MPP7: variants seen among roughly 807,000 people sequenced by gnomAD.
The protein encoded by MPP7 is MAGUK p55 scaffold protein 7.
A neutral mutation model predicts 76.5 loss-of-function variants in MPP7; 60 were observed. That is an observed-to-expected ratio of 0.78 (90% CI 0.64 to 0.97). MPP7 has a LOEUF of 0.97. Among genes scored for constraint, MPP7 ranks in the 50% least tolerant of loss-of-function variants. The pLI, the probability that MPP7 is intolerant of heterozygous loss-of-function variation, is 0.00. For missense variants in MPP7, 641 were observed against 694.0 expected (o/e 0.92, Z 0.86); for synonymous variants, 237 against 244.5 (o/e 0.97, Z 0.29).
intron 2 of MPP7, among the ~76,000 whole-genome samples, chr10:28,319,398 C>T (rs565585981): frequency 1.3e-5 from 2 of 152,230 alleles, no homozygotes; most frequent in South Asian, 4.1e-4. Context: ...GAATTTTAGG[C>T]TGGCATGGTG....
Position 28,215,059 on chromosome 10 carries a change from C to A in MPP7, c.38-12788G>T, listed in dbSNP as rs1167859204. Among the ~76,000 whole-genome samples, 4 of 152,064 alleles carry A rather than the reference C, an allele frequency of 2.6e-5. No homozygotes were observed. In the South Asian group the frequency reaches 6.2e-4, roughly 24 times the overall value. Reference sequence around the variant, plus strand: ...CATCTCACCCAGGAACAGAAAACAGCAAGAAAACCTCACTTCAACCCCCTA... The same window carrying A: ...CATCTCACCCAGGAACAGAAAACAGAAAGAAAACCTCACTTCAACCCCCTA... On this transcript the variant is annotated intron_variant, in intron 2 of 16. Coordinates refer to ENST00000683449, the MANE Select transcript of MPP7 (RefSeq NM_001318170.2).
intron 1 of MPP7, among the ~76,000 whole-genome samples, chr10:28,292,997 G>A (rs1840955978): frequency 6.8e-6 from 1 of 146,148 alleles, no homozygotes; most frequent in South Asian, 2.1e-4. Context: ...ACATAACTTT[G>A]TTAACTAGGA....
intron 1 of MPP7, among the ~76,000 whole-genome samples, chr10:28,282,294 T>C (rs1840697443): frequency 6.6e-6 from 1 of 152,038 alleles, no homozygotes; most frequent in African/African-American, 2.4e-5. Context: ...GCTGATAAAA[T>C]AGGAACCTGA....
chr10:28,188,521 G>T (rs1837308053), intron 3 of MPP7, among the ~76,000 whole-genome samples: 1 of 152,082 alleles, frequency 6.6e-6, no homozygotes, highest in Non-Finnish European at 1.5e-5. Flanking sequence ...AAAGAAAAAA[G>T]ATTAATCATA....
At chr10:28,327,548 A>T (rs1422690356) in intron 2 of MPP7, among the ~76,000 whole-genome samples, 1 of 152,190 alleles carries the variant, frequency 6.6e-6, no homozygotes, top group African/African-American at 2.4e-5. Context: ...GTTTTTAAAG[A>T]CCCAAATATA....
At chr10:28,067,153 T>C (rs1362259580) in intron 13 of MPP7, among the ~76,000 whole-genome samples, 1 of 152,172 alleles carries the variant, frequency 6.6e-6, no homozygotes, top group African/African-American at 2.4e-5. Context: ...TAATTTACAT[T>C]CCCATCAGCA....
intron 2 of MPP7, among the ~76,000 whole-genome samples, chr10:28,322,576 C>T (rs1017980837): frequency 6.6e-6 from 1 of 152,066 alleles, no homozygotes; most frequent in African/African-American, 2.4e-5. Flanking sequence ...CTCTCTTCGC[C>T]GCTGTCTCTT....
intron 13 of MPP7, among the ~76,000 whole-genome samples, chr10:28,061,084 C>A (rs759057036): frequency 3.3e-5 from 5 of 151,828 alleles, no homozygotes; most frequent in Non-Finnish European, 7.4e-5. Context: ...GTAACAAGAC[C>A]TAGTGTTAAT....
At chr10:28,298,961 C>A (rs1194959223) in intron 1 of MPP7, among the ~76,000 whole-genome samples, 1 of 152,176 alleles carries the variant, frequency 6.6e-6, no homozygotes, top group African/African-American at 2.4e-5. Flanking sequence ...CCTCTCTCAG[C>A]CTTCATCGAA....
In MPP7 at chr10:28,186,959, C is replaced by G. The variant is rs77869563; in HGVS notation, c.156+15194G>C. On this transcript the variant is annotated intron_variant, in intron 3 of 16. Transcript: ENST00000683449. ...TGCCCAAAAAGGGAAATAAGTGTTA[C>G]AAATTTCCTGATTCCATACATTCTA... is the stretch of plus-strand genomic sequence containing the variant. Among the ~76,000 whole-genome samples, 1,291 of 152,300 alleles carry G rather than the reference C, an allele frequency of 8.5e-3. 24 individuals are homozygous for G. Among genetic ancestry groups the G allele is most frequent in the African/African-American group, 0.029 (1,211 of 41,560 alleles).
chr10:28,259,909 G>C (rs1839896802), intron 1 of MPP7, among the ~76,000 whole-genome samples: 1 of 151,940 alleles, frequency 6.6e-6, no homozygotes, highest in Non-Finnish European at 1.5e-5. Flanking sequence ...CCTGAGTCCA[G>C]GAAGTCAAGG....
rs368598986 is a variant in MPP7, at chr10:28,119,293, A to G, written c.952+358T>C. On this transcript the variant is annotated intron_variant, in intron 11 of 16. Transcript: ENST00000683449. ...AAAATGGTAGATTTTTTTTCTCCCT[A>G]ATCTTTACCAAGAAATACCTAACCC... is the stretch of plus-strand genomic sequence containing the variant. Among the ~76,000 whole-genome samples, 8 of 152,208 alleles carry G rather than the reference A, an allele frequency of 5.3e-5. No homozygotes were observed. In the East Asian group the frequency reaches 1.4e-3, roughly 26 times the overall value.
intron 13 of MPP7, among the ~76,000 whole-genome samples, chr10:28,061,003 A>G (rs557265275): frequency 1.3e-5 from 2 of 152,352 alleles, no homozygotes; most frequent in South Asian, 4.1e-4. Context: ...ACAGACCCAA[A>G]TCAATATAAC....
intron 2 of MPP7, among the ~76,000 whole-genome samples, chr10:28,311,025 A>G (rs972170461): frequency 1.3e-5 from 2 of 152,124 alleles, no homozygotes; most frequent in Admixed American, 6.5e-5. Flanking sequence ...CTTATTCACT[A>G]TGGGATCCCC....
intron 3 of MPP7, among the ~76,000 whole-genome samples, chr10:28,197,002 C>G (rs1035673530): frequency 6.6e-6 from 1 of 152,136 alleles, no homozygotes; most frequent in African/African-American, 2.4e-5. Flanking sequence ...GTTCATCTCT[C>G]CTGCCACCCT....
At chr10:28,246,159 T>C (rs1246214511) in intron 1 of MPP7, among the ~76,000 whole-genome samples, 2 of 152,124 alleles carry the variant, frequency 1.3e-5, no homozygotes, top group Non-Finnish European at 2.9e-5. Context: ...AGACATATTA[T>C]AATTAAATTG....
chr10:28,296,766 C>A (rs1841046069), intron 1 of MPP7, among the ~76,000 whole-genome samples: 1 of 152,100 alleles, frequency 6.6e-6, no homozygotes, highest in African/African-American at 2.4e-5. Context: ...CATTTATATG[C>A]CTGGAAAAAA....
Position 28,191,875 on chromosome 10 carries a change from G to T in MPP7, c.156+10278C>A, listed in dbSNP as rs143912407. 6.1e-3 allele frequency among the ~76,000 whole-genome samples: 932 copies of T among 152,248 alleles called. 40 individuals are homozygous for T. The highest frequency in any genetic ancestry group is 0.057 in the Admixed American group (874 of 15,292). On this transcript the variant is annotated intron_variant, in intron 3 of 16. Transcript: ENST00000683449. ...GCAGTGGTTCACGCCTATAATCCCAGCACTTTGGGAAGCCAAGGCAGGTGG... is the reference window on the plus strand; with the variant it reads ...GCAGTGGTTCACGCCTATAATCCCATCACTTTGGGAAGCCAAGGCAGGTGG...
At chr10:28,237,353 T>C (rs1839111275) in intron 2 of MPP7, among the ~76,000 whole-genome samples, 1 of 152,018 alleles carries the variant, frequency 6.6e-6, no homozygotes, top group South Asian at 2.1e-4. Context: ...GAAAAAAAAT[T>C]TCCAAAGGGT....
Sources: gnomAD v4.1 joint callset for allele counts (sites outside exome capture counted in the v4.1 genomes callset) on GRCh38, gnomAD v4.1.1 for gene constraint, MANE v1.5 for transcripts, NCBI Gene and HGNC (gene_info 2026-07-23, HGNC 2026-07-21) for gene names.